KCNT2: variants seen among roughly 807,000 people sequenced by gnomAD.
The protein encoded by KCNT2 is potassium channel subfamily T member 2.
KCNT2 carries 67 observed loss-of-function variants against 153.8 expected under a neutral mutation model. The ratio of observed to expected loss-of-function variants is 0.44; its 90% CI spans 0.36 to 0.53. The LOEUF (loss-of-function observed/expected upper bound fraction) is 0.53. Ranked by LOEUF, KCNT2 falls within the 20% of genes least tolerant of loss-of-function variation. The probability of loss-of-function intolerance (pLI) is 0.00; values close to 1 mark genes in which losing one functional copy is unlikely to be tolerated. For missense variants in KCNT2, 975 were observed against 1,354.8 expected, an observed-to-expected ratio of 0.72 and a Z score of 4.40; for synonymous variants, 500 against 458.8, an observed-to-expected ratio of 1.09 and a Z score of -1.15.
intron 14 of KCNT2, among the ~76,000 whole-genome samples, chr1:196,371,695 T>C (rs1035094559): frequency 2.7e-4 from 41 of 152,122 alleles, no homozygotes; most frequent in African/African-American, 9.9e-4. Flanking sequence ...GGAAACGTCT[T>C]ATTCTAAGGA....
At chr1:196,405,651 G>A (rs757811440) in intron 12 of KCNT2, among the ~76,000 whole-genome samples, 16 of 151,412 alleles carry the variant, frequency 1.1e-4, no homozygotes, top group East Asian at 3.9e-4. Context: ...TCATCTACAC[G>A]TGATAAAACA....
chr1:196,488,671 A>C (rs1679621990), intron 3 of KCNT2, among the ~76,000 whole-genome samples: 1 of 152,002 alleles, frequency 6.6e-6, no homozygotes, highest in African/African-American at 2.4e-5. Flanking sequence ...GAACCATTTT[A>C]ATAACACTGA....
chr1:196,503,580 C>A (rs1177303196), intron 1 of KCNT2, among the ~76,000 whole-genome samples: 1 of 152,064 alleles, frequency 6.6e-6, no homozygotes, highest in Admixed American at 6.6e-5. Flanking sequence ...TATAAAGATG[C>A]TCTGACAGTC....
chr1:196,425,812 C>T, intron 11 of KCNT2, 40 bp downstream of exon 11: 1 of 1,604,528 alleles, frequency 6.2e-7, no homozygotes, highest in Non-Finnish European at 8.5e-7. Context: ...TTAAGTCACT[C>T]AAAACTGTAA....
At chr1:196,439,106 AC>A (rs1674989439) in intron 8 of KCNT2, among the ~76,000 whole-genome samples, 1 of 151,872 alleles carries the variant, frequency 6.6e-6, no homozygotes, top group Non-Finnish European at 1.5e-5. Context: ...TTGAGCTTAA[AC>A]TGGACTTGGG....
chr1:196,512,281 T>C (rs2148800791), intron 1 of KCNT2, among the ~76,000 whole-genome samples: 1 of 152,310 alleles, frequency 6.6e-6, no homozygotes, highest in East Asian at 1.9e-4. Flanking sequence ...AGTCCTCTTT[T>C]GTAGCAACAC....
At chr1:196,301,203 C>A (rs1661153217) in intron 22 of KCNT2, among the ~76,000 whole-genome samples, 1 of 152,158 alleles carries the variant, frequency 6.6e-6, no homozygotes, top group Admixed American at 6.5e-5. Context: ...TTCCTCAAGT[C>A]TATTGAATTT....
At chr1:196,319,821 CA>C (rs1471171890) in intron 19 of KCNT2, among the ~76,000 whole-genome samples, 13 of 151,592 alleles carry the variant, frequency 8.6e-5, no homozygotes, top group Admixed American at 6.6e-5. Context: ...TACAAAAATA[CA>C]GAATTGATAT....
chr1:196,383,477 G>A lies in KCNT2; in HGVS notation c.1295-10229C>T, dbSNP rs561574511. The stretch of plus-strand genomic sequence containing the variant: ...AGTCTGTGGAATGAAACTGGTCTTT[G>A]GACCACACTTTGAATAACACTGCAT... On this transcript the variant is annotated intron_variant, in intron 13 of 27. Coordinates refer to ENST00000294725, the MANE Select transcript of KCNT2 (RefSeq NM_198503.5). Among the ~76,000 whole-genome samples, 8 of 152,206 alleles carry A rather than the reference G, an allele frequency of 5.3e-5. No individual in the cohort carries two copies. In the East Asian group the frequency reaches 1.5e-3, roughly 29 times the overall value.
At position 196,497,063 on chromosome 1, in the gene KCNT2, A is replaced by G. The variant is rs113712061; in HGVS notation, c.96-4722T>C. ...TACATTGACTAGCACTTTTGGGGGG[A>G]AAAAAGTCAAATAATTGTGTTGTCC... On this transcript the variant is annotated intron_variant, in intron 1 of 27. Coordinates refer to ENST00000294725, the MANE Select transcript of KCNT2 (RefSeq NM_198503.5). Among the ~76,000 whole-genome samples the G allele has an allele frequency of 1.6e-3, 241 of 152,254 alleles. 2 individuals carry two copies. Among genetic ancestry groups the G allele is most frequent in the African/African-American group, 5.5e-3 (228 of 41,562 alleles).
In KCNT2 at chr1:196,492,263, T is replaced by A; in HGVS notation, c.174A>T (p.Ser58=). 1 of 1,418,890 alleles carries A rather than the reference T, an allele frequency of 7.0e-7. No homozygotes were observed. Among genetic ancestry groups the A allele is most frequent in the Non-Finnish European group, 9.4e-7 (1 of 1,066,594 alleles). 87.9% of individuals were successfully genotyped at this position (1,418,890 alleles called of 1,614,324 possible). A position where few individuals can be genotyped will look rare whatever the true frequency, so the allele number is the denominator to read the frequency against. Residue 58 remains serine (S), a splice_region_variant and synonymous_variant, in exon 2 of 28, where the codon TCA becomes TCT. Transcript: ENST00000294725. ...LKLFFIKNQR[S]SLRIRLFNFS... Reference sequence around the variant, plus strand: ...AGGGGAATGAAATGAATAACTTACTTGATCTCTGGTTTTTTATGAAAAATA... The same window carrying A: ...AGGGGAATGAAATGAATAACTTACTAGATCTCTGGTTTTTTATGAAAAATA...
In KCNT2 at chr1:196,358,471, G is replaced by A. The variant is rs575840242; in HGVS notation, c.1403+14669C>T. 2.0e-5 allele frequency among the ~76,000 whole-genome samples: 3 copies of A among 151,830 alleles called. No individual in the cohort carries two copies. In the East Asian group the frequency reaches 5.8e-4, roughly 30 times the overall value. ...AAATTTAAGTTAAATATTTAAGCCT[G>A]TGGAAAAACAAAATCCATAAGATTT... On this transcript the variant is annotated intron_variant, in intron 14 of 27. Coordinates refer to ENST00000294725, the MANE Select transcript of KCNT2 (RefSeq NM_198503.5).
At chr1:196,482,298 G>A (rs1036700441) in intron 4 of KCNT2, 33 bp downstream of exon 4, 3 of 1,406,272 alleles carry the variant, frequency 2.1e-6, no homozygotes, top group African/African-American at 1.5e-5. Flanking sequence ...AATAAACCCA[G>A]AGATATAGGG....
chr1:196,532,460 A>G lies in KCNT2; in HGVS notation c.96-40119T>C, dbSNP rs532726310. ...CACTTGGGACATGAGTCTTATTAAC[A>G]GGAAAGGGAAAAAAAAATCTATATA... is the stretch of plus-strand genomic sequence containing the variant. On this transcript the variant is annotated intron_variant, in intron 1 of 27. Transcript: ENST00000294725. Among the ~76,000 whole-genome samples, 5 of 152,132 alleles carry G rather than the reference A, an allele frequency of 3.3e-5. No individual in the cohort carries two copies. In the East Asian group the frequency reaches 5.8e-4, roughly 18 times the overall value.
chr1:196,286,257 C>T (rs552305967), intron 22 of KCNT2, among the ~76,000 whole-genome samples: 3 of 152,070 alleles, frequency 2.0e-5, no homozygotes, highest in South Asian at 4.2e-4. Context: ...GAAGTGAAGC[C>T]TTTGGGAGGT....
intron 8 of KCNT2, among the ~76,000 whole-genome samples, chr1:196,448,325 T>C (rs2148610798): frequency 6.6e-6 from 1 of 151,784 alleles, no homozygotes; most frequent in East Asian, 1.9e-4. Context: ...AGGGAGCCAA[T>C]GCTATTTGCA....
intron 22 of KCNT2, among the ~76,000 whole-genome samples, chr1:196,289,743 AG>A (rs756477068): frequency 3.8e-4 from 58 of 152,282 alleles, no homozygotes; most frequent in Non-Finnish European, 7.2e-4. Flanking sequence ...TATTGTTGCT[AG>A]TATAAACATA....
chr1:196,445,680 C>T (rs1178306476), intron 8 of KCNT2, among the ~76,000 whole-genome samples: 1 of 151,416 alleles, frequency 6.6e-6, no homozygotes, highest in Admixed American at 6.6e-5. Context: ...TGAAAAATTT[C>T]TCCCTTCTAA....
At chr1:196,246,223 C>T (rs1377220948) in intron 26 of KCNT2, among the ~76,000 whole-genome samples, 1 of 152,026 alleles carries the variant, frequency 6.6e-6, no homozygotes, top group Admixed American at 6.6e-5. Context: ...ATACTTGTAT[C>T]CTAGAATAGG....
Sources: gnomAD v4.1 joint callset for allele counts (sites outside exome capture counted in the v4.1 genomes callset) on GRCh38, gnomAD v4.1.1 for gene constraint, MANE v1.5 for transcripts, NCBI Gene and HGNC (gene_info 2026-07-23, HGNC 2026-07-21) for gene names.